Variants in LRIF1 observed in about 807,000 individuals in gnomAD.
The protein encoded by LRIF1 is ligand-dependent nuclear receptor-interacting factor 1.
LRIF1 carries 32 observed loss-of-function variants against 52.7 expected under a neutral mutation model. The observed-to-expected ratio is 0.61, with a 90% CI of 0.46 to 0.82. The LOEUF (loss-of-function observed/expected upper bound fraction) is 0.82, where lower values mean the gene tolerates loss of function less well. Ranked by LOEUF, LRIF1 falls within the 40% of genes least tolerant of loss-of-function variation. LRIF1 has a pLI of 0.00. For missense variants in LRIF1, 887 were observed against 892.0 expected (o/e 0.99, Z 0.07); for synonymous variants, 323 against 317.4 (o/e 1.02, Z -0.19).
At chr1:110,892,071 C>T in the LRIF1 span, among the ~76,000 whole-genome samples, 10 of 152,274 alleles carry the variant, frequency 6.6e-5, no homozygotes, top group South Asian at 2.1e-3. Flanking sequence ...GAAGTTAGAC[C>T]TATATATGGT....
At chr1:110,963,423 A>G in intron 1 of LRIF1, 198 bp downstream of exon 1, 1 of 416,718 alleles carries the variant, frequency 2.4e-6, no homozygotes, top group Non-Finnish European at 4.5e-6. Flanking sequence ...GTCAGGCTCT[A>G]AAGAGGTTTT....
At position 110,949,993 on chromosome 1, in the gene LRIF1, A is replaced by G. The variant is rs758217465; in HGVS notation, c.1727T>C (p.Leu576Pro). The G allele has an allele frequency of 1.2e-6, 2 of 1,614,074 alleles. No individual in the cohort carries two copies. The highest frequency in any genetic ancestry group is 2.2e-5 in the South Asian group (2 of 91,076). Residue 576 changes from leucine (L) to proline (P), a missense_variant, in exon 3 of 4, where the codon CTT (leucine) becomes CCT (proline). By Grantham distance (98) the Leu-to-Pro change is moderately conservative. Transcript: ENST00000369763. ...SDAEFKKIFG[L>P]TKDLRVCLTR... ...AAGGCACACTCTCAAATCCTTAGTA[A>G]GGCCAAATATCTTTTTAAATTCAGC... is the stretch of plus-strand genomic sequence containing the variant.
At chr1:110,891,159 T>C in the LRIF1 span, among the ~76,000 whole-genome samples, 1 of 152,266 alleles carries the variant, frequency 6.6e-6, no homozygotes, top group Non-Finnish European at 1.5e-5. Context: ...CAATACTTAA[T>C]TCAATGTTAA....
chr1:110,963,422 TAA>T (rs1193169783), intron 1 of LRIF1, 197 bp downstream of exon 1: 1 of 422,242 alleles, frequency 2.4e-6, no homozygotes. Flanking sequence ...TGTCAGGCTC[TAA>T]AGAGGTTTTA....
chr1:110,920,794 T>G, the LRIF1 span, among the ~76,000 whole-genome samples: 1 of 152,178 alleles, frequency 6.6e-6, no homozygotes, highest in Non-Finnish European at 1.5e-5. Context: ...AAAAGGCATA[T>G]ATAGAAAATT....
At chr1:110,930,952 C>T in the LRIF1 span, among the ~76,000 whole-genome samples, 2 of 151,982 alleles carry the variant, frequency 1.3e-5, no homozygotes, top group African/African-American at 2.4e-5. Flanking sequence ...TTGACCCTGT[C>T]GTCCAGCCTG....
chr1:110,945,752 T>G (rs945041489), downstream of LRIF1, among the ~76,000 whole-genome samples: 6 of 152,198 alleles, frequency 3.9e-5, no homozygotes, highest in African/African-American at 1.4e-4. Context: ...ACATTTGCAC[T>G]GTTTCTATGA....
intron 1 of LRIF1, among the ~76,000 whole-genome samples, chr1:110,953,510 A>C (rs1316409813): frequency 6.6e-6 from 1 of 152,198 alleles, no homozygotes; most frequent in Non-Finnish European, 1.5e-5. Flanking sequence ...CTGCAATTTC[A>C]GCTGAATGGT....
chr1:110,910,328 G>A, the LRIF1 span, among the ~76,000 whole-genome samples: 1 of 151,132 alleles, frequency 6.6e-6, no homozygotes, highest in Middle Eastern at 3.2e-3. Flanking sequence ...GGCGGACACA[G>A]TGGCTCACGC....
intron 1 of LRIF1, among the ~76,000 whole-genome samples, chr1:110,960,066 C>T (rs1360521769): frequency 6.6e-6 from 1 of 151,914 alleles, no homozygotes; most frequent in African/African-American, 2.4e-5. Flanking sequence ...GATAGATATA[C>T]CAGTTGTTAC....
In LRIF1 at chr1:110,952,123, A is replaced by G. The variant is rs1177282415; in HGVS notation, c.761T>C (p.Val254Ala). ...TATTACTGGCTTTGCTATTTCTGTAACAGGTTTTGGGTAAATGTTTTGAAA... is the reference window on the plus strand; with the variant it reads ...TATTACTGGCTTTGCTATTTCTGTAGCAGGTTTTGGGTAAATGTTTTGAAA... The part of the protein sequence containing the change: ...KNFQNIYPKP[V>A]TEIAKPVILN... The change falls in exon 2 of 4, where the codon GTT becomes GCT. Residue 254 changes from valine (V) to alanine (A), a missense_variant. By Grantham distance (64) the Val-to-Ala change is moderately conservative. Transcript: ENST00000369763. 1 of 1,614,140 alleles carries G rather than the reference A, an allele frequency of 6.2e-7. No homozygotes were observed. Among genetic ancestry groups the G allele is most frequent in the African/African-American group, 1.3e-5 (1 of 75,048 alleles).
At chr1:110,938,019 C>G in the LRIF1 span, 5 of 151,844 alleles carry the variant, frequency 3.3e-5, no homozygotes, top group Non-Finnish European at 5.9e-5. Context: ...TGAAGAAATC[C>G]AAAATCTGAA....
the LRIF1 span, among the ~76,000 whole-genome samples, chr1:110,935,835 A>G: frequency 1.3e-5 from 2 of 152,164 alleles, no homozygotes; most frequent in Non-Finnish European, 2.9e-5. Flanking sequence ...ATCAATATCC[A>G]TATACAAGAA....
intron 1 of LRIF1, among the ~76,000 whole-genome samples, chr1:110,954,684 A>T (rs1204459474): frequency 1.3e-5 from 2 of 152,234 alleles, no homozygotes; most frequent in African/African-American, 4.8e-5. Context: ...ACAAAAATTT[A>T]CCAAGTGTCT....
chr1:110,915,490 A>AAATAAATAAAT, the LRIF1 span, among the ~76,000 whole-genome samples: 13 of 141,852 alleles, frequency 9.2e-5, no homozygotes, highest in South Asian at 2.3e-4. Context: ...TCCGTCTCAA[A>AAATAAATAAAT]AAATAAATAA....
At chr1:110,961,499 T>C (rs1658945112) in intron 1 of LRIF1, among the ~76,000 whole-genome samples, 1 of 152,186 alleles carries the variant, frequency 6.6e-6, no homozygotes, top group Admixed American at 6.5e-5. Flanking sequence ...ACAAATATCT[T>C]CCAGATTTTT....
At chr1:110,947,068 G>A (rs182211808), downstream of LRIF1, 32 of 152,744 alleles carry the variant, frequency 2.1e-4, no homozygotes, top group Admixed American at 2.1e-3. Context: ...TCCCCACTCA[G>A]ACTCCTGAGT....
chr1:110,955,476 A>C (rs116817487), intron 1 of LRIF1, among the ~76,000 whole-genome samples: 1 of 152,204 alleles, frequency 6.6e-6, no homozygotes, highest in Non-Finnish European at 1.5e-5. Context: ...GCCTTCCATT[A>C]TTCTTAGAGT....
chr1:110,927,707 G>A, the LRIF1 span, among the ~76,000 whole-genome samples: 2 of 152,076 alleles, frequency 1.3e-5, no homozygotes, highest in Non-Finnish European at 2.9e-5. Context: ...TTACCTTCCA[G>A]GTTTTCCACA....
Sources: gnomAD v4.1 joint callset for allele counts (sites outside exome capture counted in the v4.1 genomes callset) on GRCh38, gnomAD v4.1.1 for gene constraint, MANE v1.5 for transcripts, NCBI Gene and HGNC (gene_info 2026-07-23, HGNC 2026-07-21) for gene names.